TFE3: variants seen among roughly 807,000 people sequenced by gnomAD.
TFE3 encodes transcription factor E3.
Under a neutral mutation model 35.0 loss-of-function variants are expected in TFE3, and 5 were observed. The ratio of observed to expected loss-of-function variants is 0.14; its 90% CI spans 0.07 to 0.30. TFE3 has a LOEUF of 0.30. Ranked by LOEUF, TFE3 falls within the 10% of genes least tolerant of loss-of-function variation. The pLI, the probability that TFE3 is intolerant of heterozygous loss-of-function variation, is 1.00. For synonymous variants in TFE3, 211 were observed against 215.6 expected (o/e 0.98, Z 0.18); for missense variants, 374 against 496.6 (o/e 0.75, Z 2.35).
intron 2 of TFE3, 63 bp from the exon 3 acceptor site, chrX:49,039,473 A>T: frequency 9.2e-7 from 1 of 1,087,826 alleles, no homozygotes; most frequent in Non-Finnish European, 1.2e-6. Context: ...CCAAGCCTAA[A>T]GGGTCTTAGC....
rs782282280 is a variant in TFE3, at chrX:49,031,549, G to A, written c.1137-5C>T. ...CCCTTGTTCCAGCGCATCTCCCTGTGGGGCCCAAGTGGGAGGCAAGCAGGA... is the reference window on the plus strand; with the variant it reads ...CCCTTGTTCCAGCGCATCTCCCTGTAGGGCCCAAGTGGGAGGCAAGCAGGA... On this transcript the variant is annotated splice_polypyrimidine_tract_variant and splice_region_variant and intron_variant, in intron 8 of 9. Transcript: ENST00000315869. 57 of 1,173,553 alleles carry A rather than the reference G, an allele frequency of 4.9e-5. No homozygotes were observed. The highest frequency in any genetic ancestry group is 6.2e-5 in the Non-Finnish European group (54 of 876,206).
In TFE3 at chrX:49,039,156, T is replaced by C; in HGVS notation, c.485A>G (p.His162Arg). The C allele has an allele frequency of 3.3e-6, 4 of 1,196,589 alleles. No individual in the cohort carries two copies. The highest frequency in any genetic ancestry group is 3.4e-6 in the Non-Finnish European group (3 of 886,765). ...ISVVGVSAGG[H>R]TLSRPPPAQV... ...AGCAGGGGGTGGACGGCTCAATGTGTGGCCCCCAGCAGAGACGCCAACCAC... is the reference window on the plus strand; with the variant it reads ...AGCAGGGGGTGGACGGCTCAATGTGCGGCCCCCAGCAGAGACGCCAACCAC... Residue 162 changes from histidine (H) to arginine (R), a missense_variant, in exon 3 of 10, where the codon CAC becomes CGC. Coordinates refer to ENST00000315869, the MANE Select transcript of TFE3 (RefSeq NM_006521.6).
At chrX:49,036,351 C>T (rs1364901284) in intron 5 of TFE3, among the ~76,000 whole-genome samples, 5 of 105,949 alleles carry the variant, frequency 4.7e-5, no homozygotes, top group Non-Finnish European at 7.7e-5. Context: ...CCTGTAATCT[C>T]GGCTACTTGG....
At chrX:49,041,089 C>A (rs1039006056) in intron 1 of TFE3, among the ~76,000 whole-genome samples, 1 of 109,893 alleles carries the variant, frequency 9.1e-6, no homozygotes, top group Non-Finnish European at 1.9e-5. Flanking sequence ...CACGCCACCA[C>A]GTCCGGCTAA....
intron 3 of TFE3, among the ~76,000 whole-genome samples, 185 bp downstream of exon 3, chrX:49,038,922 A>T (rs1557075222): frequency 9.0e-6 from 1 of 110,601 alleles, no homozygotes; most frequent in African/African-American, 3.3e-5. Context: ...ATTTCACAAG[A>T]TCATCTCAGA....
Position 49,039,211 on chromosome X carries a change from T to G in TFE3, c.430A>C (p.Ser144Arg). 1 of 1,207,368 alleles carries G rather than the reference T, an allele frequency of 8.3e-7. No individual in the cohort carries two copies. Among genetic ancestry groups the G allele is most frequent in the Non-Finnish European group, 1.1e-6 (1 of 893,624 alleles). Residue 144 changes from serine (S) to arginine (R), a missense_variant, in exon 3 of 10, where the codon AGT becomes CGT. Coordinates refer to ENST00000315869, the MANE Select transcript of TFE3 (RefSeq NM_006521.6). ...ATGGCAGGAGAGGCAGGTGCAGGACTGGGGAAGGGAGCCGCGGCGGCCTGT... is the reference window on the plus strand; with the variant it reads ...ATGGCAGGAGAGGCAGGTGCAGGACGGGGGAAGGGAGCCGCGGCGGCCTGT... ...REQAAAAPFP[S>R]PAPASPAISV...
rs930254254 is a variant in TFE3, at chrX:49,041,917, C to A, written c.116+1194G>T. Among the ~76,000 whole-genome samples, 11 of 111,710 alleles carry A rather than the reference C, an allele frequency of 9.8e-5. No individual in the cohort carries two copies. The East Asian group carries it at 3.1e-3, about 31-fold the overall frequency. On this transcript the variant is annotated intron_variant, in intron 1 of 9. Transcript: ENST00000315869. ...AAGGATCTGTCTTCCTTCCTCTCCT[C>A]ACCCTCAGATGGAGCCCTAAAACCA...
At chrX:49,030,690 C>T (rs1557073596) in intron 9 of TFE3, 89 bp from the exon 10 acceptor site, 53 of 804,722 alleles carry the variant, frequency 6.6e-5, no homozygotes. Context: ...GGGTAGGTTC[C>T]CTGGGTTGGA....
chrX:49,040,887 A>G (rs2064757245), intron 1 of TFE3, among the ~76,000 whole-genome samples: 1 of 108,868 alleles, frequency 9.2e-6, no homozygotes, highest in African/African-American at 3.4e-5. Flanking sequence ...ACTTTATAGA[A>G]GGATTCCTGA....
chrX:49,031,886 C>T, intron 8 of TFE3: 1 of 147,671 alleles, frequency 6.8e-6, no homozygotes, highest in Non-Finnish European at 1.3e-5. Flanking sequence ...CCCAGCCGTG[C>T]CCTCTGCCTT....
At chrX:49,033,661 G>T in intron 7 of TFE3, 65 bp downstream of exon 7, 1 of 1,190,406 alleles carries the variant, frequency 8.4e-7, no homozygotes, top group Non-Finnish European at 1.1e-6. Flanking sequence ...CCCCATGGGG[G>T]GCCAGGACTC....
intron 1 of TFE3, among the ~76,000 whole-genome samples, chrX:49,041,153 G>A (rs1365068216): frequency 3.6e-5 from 4 of 110,374 alleles, no homozygotes; most frequent in African/African-American, 1.3e-4. Context: ...GGATGGTCTC[G>A]ATCTCCTGAC....
chrX:49,039,537 T>C (rs2064749529), intron 2 of TFE3, 127 bp from the exon 3 acceptor site: 1 of 764,111 alleles, frequency 1.3e-6, no homozygotes. Flanking sequence ...GAGGCCACAA[T>C]GTAGAAGCAG....
chrX:49,034,551 T>G (rs1284299551), intron 5 of TFE3, among the ~76,000 whole-genome samples: 1 of 111,370 alleles, frequency 9.0e-6, no homozygotes, highest in Admixed American at 9.6e-5. Context: ...AAAGCCCCTT[T>G]CCCAAACCCC....
rs367755411 is a variant in TFE3 at position 49,038,327 on chromosome X, G to A, written c.650C>T (p.Thr217Ile). The change falls in exon 4 of 10, where the codon ACC (threonine) becomes ATC (isoleucine). Residue 217 changes from threonine (T) to isoleucine (I), a missense_variant. Physicochemically the swap from Thr to Ile is moderately conservative, Grantham distance 89. Coordinates refer to ENST00000315869, the MANE Select transcript of TFE3 (RefSeq NM_006521.6). The stretch of plus-strand genomic sequence containing the variant: ...GGCACTTGCGGGCCCCGGCGGTGGG[G>A]TGAGGGCCTGGGAAGCCAGCTTGGG... The part of the protein sequence containing the change: ...LGPKLASQAL[T>I]PPPGPASAQP... The A allele has an allele frequency of 4.9e-5, 59 of 1,204,960 alleles. No individual in the cohort carries two copies. The highest frequency in any genetic ancestry group is 6.5e-5 in the Non-Finnish European group (58 of 893,659).
At position 49,033,779 on chromosome X, in the gene TFE3, G is replaced by A; in HGVS notation, c.1007C>T (p.Thr336Ile). 8.3e-7 allele frequency: 1 copy of A among 1,211,735 alleles called. No homozygotes were observed. Among genetic ancestry groups the A allele is most frequent in the Non-Finnish European group, 1.1e-6 (1 of 895,423 alleles). The change falls in exon 7 of 10, where the codon ACC becomes ATC. Residue 336 changes from threonine to isoleucine, a missense_variant. This residue lies in a region of TFE3 where 167 missense variants were observed against 297.2 expected (regional missense o/e 0.56). Coordinates refer to ENST00000315869, the MANE Select transcript of TFE3 (RefSeq NM_006521.6). ...TTCCTTCAAAAGGGCCTTTGCCTCGGTCTCTGGAAAAGAGTGGAGTGATCA... is the reference window on the plus strand; with the variant it reads ...TTCCTTCAAAAGGGCCTTTGCCTCGATCTCTGGAAAAGAGTGGAGTGATCA... Reference protein sequence around the residue: ...LPNIKREISETEAKALLKERQ... With the variant: ...LPNIKREISEIEAKALLKERQ...
At chrX:49,032,242 C>T (rs1437074861) in intron 8 of TFE3, among the ~76,000 whole-genome samples, 2 of 110,106 alleles carry the variant, frequency 1.8e-5, no homozygotes, top group African/African-American at 6.6e-5. Context: ...TTTTTTTTTG[C>T]GGGGCGGTGG....
Position 49,040,147 on chromosome X carries a change from G to A in TFE3, c.230+308C>T, listed in dbSNP as rs1363009383. 2.7e-5 allele frequency among the ~76,000 whole-genome samples: 3 copies of A among 110,420 alleles called. No individual in the cohort carries two copies. The East Asian group carries it at 8.6e-4, about 32-fold the overall frequency. On this transcript the variant is annotated intron_variant, in intron 2 of 9. Transcript: ENST00000315869. Reference sequence around the variant, plus strand: ...CGCCCACCCGGGGACATGAGTTTAAGCAGGCCACGCCCTATCTCTGAGCAC... The same window carrying A: ...CGCCCACCCGGGGACATGAGTTTAAACAGGCCACGCCCTATCTCTGAGCAC...
chrX:49,043,303 C>T lies in TFE3; in HGVS notation c.-77G>A. On this transcript the variant is annotated 5_prime_UTR_variant, in exon 1 of 10. Coordinates refer to ENST00000315869, the MANE Select transcript of TFE3 (RefSeq NM_006521.6). The stretch of plus-strand genomic sequence containing the variant: ...CCCCCTAACAAAATAAGAGTCCCCC[C>T]TCCCCCCAGCTCGCCACCGCCGCCT... 1.3e-6 allele frequency: 1 copy of T among 791,197 alleles called. No homozygotes were observed. Among genetic ancestry groups the T allele is most frequent in the South Asian group, 2.8e-5 (1 of 35,420 alleles). The allele number at this position is 791,197 out of a possible 1,213,427, so 65.2% of individuals were successfully genotyped here.
Sources: gnomAD v4.1 joint callset for allele counts (sites outside exome capture counted in the v4.1 genomes callset) on GRCh38, gnomAD v4.1.1 for gene constraint, gnomAD v4.1.1 regional missense constraint, MANE v1.5 for transcripts, NCBI Gene and HGNC (gene_info 2026-07-23, HGNC 2026-07-21) for gene names.